Variants in CNTN3 observed in about 807,000 individuals in gnomAD.
The protein encoded by CNTN3 is contactin 3.
Under a neutral mutation model 119.1 loss-of-function variants are expected in CNTN3, and 60 were observed. The ratio of observed to expected loss-of-function variants is 0.50; its 90% CI spans 0.41 to 0.62. CNTN3 has a LOEUF of 0.62. Among genes scored for constraint, CNTN3 ranks in the 20% least tolerant of loss-of-function variants. The probability of loss-of-function intolerance (pLI) is 0.00; values close to 1 mark genes in which losing one functional copy is unlikely to be tolerated. For missense variants in CNTN3, 1,101 were observed against 1,242.4 expected, an observed-to-expected ratio of 0.89 and a Z score of 1.71; for synonymous variants, 450 against 438.7, an observed-to-expected ratio of 1.03 and a Z score of -0.32.
At chr3:74,327,058 T>C (rs1703149271) in intron 13 of CNTN3, among the ~76,000 whole-genome samples, 1 of 151,846 alleles carries the variant, frequency 6.6e-6, no homozygotes, top group Admixed American at 6.6e-5. Context: ...TGATATGATG[T>C]ATGTACATTT....
intron 5 of CNTN3, among the ~76,000 whole-genome samples, chr3:74,396,059 GTC>G (rs1705043332): frequency 6.6e-6 from 1 of 152,072 alleles, no homozygotes; most frequent in Non-Finnish European, 1.5e-5. Context: ...TGTTTCCCCT[GTC>G]TCTCTCTCTT....
chr3:74,522,594 A>G (rs1213376464), intron 1 of CNTN3, among the ~76,000 whole-genome samples: 1 of 151,812 alleles, frequency 6.6e-6, no homozygotes, highest in African/African-American at 2.4e-5. Context: ...GTGAAATATA[A>G]AGCCTTCTAA....
chr3:74,374,827 G>C (rs1392164310), intron 5 of CNTN3, among the ~76,000 whole-genome samples: 3 of 152,086 alleles, frequency 2.0e-5, no homozygotes, highest in African/African-American at 7.2e-5. Context: ...CCTTCATTTA[G>C]GAATTAGTGT....
chr3:74,441,729 G>T (rs7432638), intron 4 of CNTN3, among the ~76,000 whole-genome samples: 3 of 151,922 alleles, frequency 2.0e-5, no homozygotes, highest in Non-Finnish European at 4.4e-5. Flanking sequence ...TAAATGGGTG[G>T]TATTATCCTT....
At chr3:74,345,352 T>G (rs1291622677) in intron 11 of CNTN3, among the ~76,000 whole-genome samples, 3 of 152,208 alleles carry the variant, frequency 2.0e-5, no homozygotes, top group African/African-American at 7.2e-5. Flanking sequence ...GCTAGTTCAA[T>G]GGACTCGTTT....
rs556423931 is a variant in CNTN3 at position 74,596,812 on chromosome 3, G to A, written c.-81+17579C>T. 5.9e-4 allele frequency among the ~76,000 whole-genome samples: 90 copies of A among 152,164 alleles called. 1 individual carries two copies. The highest frequency in any genetic ancestry group is 2.1e-3 in the African/African-American group (86 of 41,548). On this transcript the variant is annotated intron_variant, in intron 1 of 22. Transcript: ENST00000263665. ...AATGTGCAATGGACTTGACCACCACGGGTTCTTCAATCTGGAAATGGTATA... is the reference window on the plus strand; with the variant it reads ...AATGTGCAATGGACTTGACCACCACAGGTTCTTCAATCTGGAAATGGTATA...
intron 11 of CNTN3, 62 bp from the exon 12 acceptor site, chr3:74,336,720 T>A (rs1248004142): frequency 2.3e-6 from 3 of 1,309,370 alleles, no homozygotes; most frequent in Non-Finnish European, 3.2e-6. Context: ...CAAATGAATA[T>A]ACATATTTTT....
At chr3:74,435,133 C>G (rs958524831) in intron 4 of CNTN3, among the ~76,000 whole-genome samples, 3 of 152,154 alleles carry the variant, frequency 2.0e-5, no homozygotes, top group Admixed American at 2.0e-4. Flanking sequence ...CCATTTATCT[C>G]TGATTTTGCA....
chr3:74,286,275 C>T (rs1702114916), intron 19 of CNTN3, among the ~76,000 whole-genome samples: 1 of 152,098 alleles, frequency 6.6e-6, no homozygotes, highest in Non-Finnish European at 1.5e-5. Context: ...AAAATGTCAG[C>T]AGACCCAACC....
At chr3:74,613,150 C>A (rs1418016812) in intron 1 of CNTN3, among the ~76,000 whole-genome samples, 1 of 152,038 alleles carries the variant, frequency 6.6e-6, no homozygotes, top group Non-Finnish European at 1.5e-5. Flanking sequence ...AGGGCTCTGA[C>A]TCATTGTTCT....
At chr3:74,404,176 C>G (rs969546352) in intron 5 of CNTN3, among the ~76,000 whole-genome samples, 1 of 152,050 alleles carries the variant, frequency 6.6e-6, no homozygotes, top group Non-Finnish European at 1.5e-5. Context: ...TAAGCAATTA[C>G]CTCAACTGCT....
intron 11 of CNTN3, among the ~76,000 whole-genome samples, chr3:74,338,400 A>T (rs1703447317): frequency 6.6e-6 from 1 of 152,048 alleles, no homozygotes; most frequent in Admixed American, 6.6e-5. Context: ...ATGTGTGTAT[A>T]TATATACATA....
Position 74,361,979 on chromosome 3 carries a change from G to A in CNTN3, c.1275C>T (p.Ser425=). The part of the protein sequence containing the change: ...MKKLVQVQVG[S]LVSLDCKPRA... ...TGGGTTTACAATCCAAGCTGACCAG[G>A]CTGCCCACCTGCACCTGAACCAACT... The change falls in exon 11 of 23, where the codon AGC becomes AGT. Residue 425 remains serine (S), a synonymous_variant. Coordinates refer to ENST00000263665, the MANE Select transcript of CNTN3 (RefSeq NM_020872.3). 1 of 1,613,826 alleles carries A rather than the reference G, an allele frequency of 6.2e-7. No homozygotes were observed. The highest frequency in any genetic ancestry group is 8.5e-7 in the Non-Finnish European group (1 of 1,179,792).
intron 13 of CNTN3, among the ~76,000 whole-genome samples, chr3:74,324,898 T>C (rs1330515223): frequency 1.3e-5 from 2 of 152,208 alleles, no homozygotes; most frequent in Non-Finnish European, 1.5e-5. Context: ...AAAACTAGTA[T>C]ATATATCGGG....
intron 1 of CNTN3, among the ~76,000 whole-genome samples, chr3:74,595,550 A>G (rs998225135): frequency 1.3e-5 from 2 of 152,156 alleles, no homozygotes; most frequent in African/African-American, 2.4e-5. Context: ...CGAATCAATA[A>G]ATGTAATCCA....
intron 5 of CNTN3, 45 bp downstream of exon 5, chr3:74,424,800 C>T: frequency 6.5e-7 from 1 of 1,535,556 alleles, no homozygotes; most frequent in East Asian, 2.3e-5. Flanking sequence ...AGGCCTTGCC[C>T]TGAACCTTAA....
At chr3:74,571,031 A>C (rs1276641127) in intron 1 of CNTN3, among the ~76,000 whole-genome samples, 1 of 152,206 alleles carries the variant, frequency 6.6e-6, no homozygotes, top group Non-Finnish European at 1.5e-5. Context: ...ATAATACAAT[A>C]GAATAGAACC....
chr3:74,579,473 T>C (rs1704469461), intron 1 of CNTN3, among the ~76,000 whole-genome samples: 2 of 151,972 alleles, frequency 1.3e-5, no homozygotes, highest in Admixed American at 1.3e-4. Context: ...GAGCATATGG[T>C]CTTTTCAAAT....
At chr3:74,463,930 AC>A (rs1702416076) in intron 4 of CNTN3, among the ~76,000 whole-genome samples, 2 of 152,152 alleles carry the variant, frequency 1.3e-5, no homozygotes, top group African/African-American at 4.8e-5. Context: ...ATCTGTTTTT[AC>A]TGTTTCTATT....
Sources: gnomAD v4.1 joint callset for allele counts (sites outside exome capture counted in the v4.1 genomes callset) on GRCh38, gnomAD v4.1.1 for gene constraint, MANE v1.5 for transcripts, NCBI Gene and HGNC (gene_info 2026-07-23, HGNC 2026-07-21) for gene names.